The following RBFOX1 variants were observed in gnomAD, a reference collection of about 807,000 sequenced individuals.
RBFOX1 encodes the protein RNA binding protein fox-1 homolog 1.
Under a neutral mutation model 57.7 loss-of-function variants are expected in RBFOX1, and 8 were observed. The ratio of observed to expected loss-of-function variants is 0.14; its 90% CI spans 0.08 to 0.25. RBFOX1 has a LOEUF of 0.25. Among genes scored for constraint, RBFOX1 ranks in the 10% least tolerant of loss-of-function variants. The probability of loss-of-function intolerance (pLI) is 1.00; values close to 1 mark genes in which losing one functional copy is unlikely to be tolerated. For missense variants in RBFOX1, 611 were observed against 548.5 expected, an observed-to-expected ratio of 1.11 and a Z score of -1.14; for synonymous variants, 326 against 222.4, an observed-to-expected ratio of 1.47 and a Z score of -4.15.
intron 4 of RBFOX1, among the ~76,000 whole-genome samples, chr16:7,056,973 A>G (rs1371807475): frequency 6.6e-6 from 1 of 152,082 alleles, no homozygotes; most frequent in South Asian, 2.1e-4. Context: ...TACGTAAAAT[A>G]AGAATAGCTT....
intron 2 of RBFOX1, among the ~76,000 whole-genome samples, chr16:5,496,383 C>G (rs2043002644): frequency 6.6e-6 from 1 of 152,132 alleles, no homozygotes; most frequent in Non-Finnish European, 1.5e-5. Context: ...AAGCCTTTGC[C>G]TATTCTCTCC....
chr16:6,096,597 A>C lies in RBFOX1; in HGVS notation c.-127+76605A>C, dbSNP rs148803522. ...AGGAAATTCTGGATCTTTGGTTTGG[A>C]AGTTTTGGGATTCTGTGAACCAACA... On this transcript the variant is annotated intron_variant, in intron 1 of 15. Transcript: ENST00000550418. Among the ~76,000 whole-genome samples the C allele has an allele frequency of 7.9e-5, 12 of 152,152 alleles. No individual in the cohort carries two copies. In the East Asian group the frequency reaches 1.9e-3, roughly 24 times the overall value.
chr16:6,423,916 C>T (rs1035116022), intron 2 of RBFOX1, among the ~76,000 whole-genome samples: 1 of 152,090 alleles, frequency 6.6e-6, no homozygotes, highest in African/African-American at 2.4e-5. Context: ...AGGAAACAGT[C>T]TTGCATTTGG....
At chr16:6,609,469 G>C (rs1050200331) in intron 2 of RBFOX1, among the ~76,000 whole-genome samples, 8 of 151,918 alleles carry the variant, frequency 5.3e-5, no homozygotes, top group African/African-American at 9.7e-5. Flanking sequence ...TCAGCCTCCC[G>C]AGTAACTGGG....
At chr16:6,557,140 CATATATACACACAT>C (rs2097115192) in intron 2 of RBFOX1, among the ~76,000 whole-genome samples, 1 of 143,448 alleles carries the variant, frequency 7.0e-6, no homozygotes, top group Admixed American at 7.0e-5. Flanking sequence ...TACATATATA[CATATATACACACAT>C]ATATATACAC....
intron 4 of RBFOX1, among the ~76,000 whole-genome samples, chr16:7,463,147 C>G (rs377371019): frequency 6.6e-6 from 1 of 152,110 alleles, no homozygotes; most frequent in South Asian, 2.1e-4. Context: ...ATAGAAGATT[C>G]CCTCTTGCTA....
intron 3 of RBFOX1, among the ~76,000 whole-genome samples, chr16:5,815,799 G>T (rs991445220): frequency 3.1e-4 from 47 of 152,302 alleles, no homozygotes; most frequent in African/African-American, 1.0e-3. Flanking sequence ...AAACAGTGGA[G>T]CCCAGAGAAA....
chr16:5,660,070 G>T (rs964910232), intron 3 of RBFOX1, among the ~76,000 whole-genome samples: 1 of 152,084 alleles, frequency 6.6e-6, no homozygotes. Flanking sequence ...TAGACCAACG[G>T]GGTTCAAGGC....
intron 3 of RBFOX1, among the ~76,000 whole-genome samples, chr16:5,664,234 G>C (rs1003465396): frequency 2.0e-5 from 3 of 152,192 alleles, no homozygotes; most frequent in Non-Finnish European, 4.4e-5. Context: ...CTGTGCAACG[G>C]AGTCAGTTGT....
chr16:6,364,346 C>T (rs1218853331), intron 2 of RBFOX1, among the ~76,000 whole-genome samples: 1 of 152,114 alleles, frequency 6.6e-6, no homozygotes, highest in East Asian at 1.9e-4. Flanking sequence ...TCCCTCATTT[C>T]CTCTCCTCTT....
At chr16:6,755,026 G>A (rs144897094) in intron 3 of RBFOX1, among the ~76,000 whole-genome samples, 3,913 of 152,186 alleles carry the variant, frequency 0.026, 174 homozygotes, top group African/African-American at 0.089. Context: ...CCTACAAAGG[G>A]CATGAACTCA....
chr16:5,856,577 A>ATATATATATATATATGTATATATATC (rs2057072947), intron 3 of RBFOX1, among the ~76,000 whole-genome samples: 1 of 41,730 alleles, frequency 2.4e-5, no homozygotes, highest in African/African-American at 7.4e-5. Flanking sequence ...GTGTGTGTGT[A>ATATATATATATATATGTATATATATC]TATATATATA....
chr16:6,705,456 C>T (rs751700836), intron 3 of RBFOX1: 2 of 152,156 alleles, frequency 1.3e-5, no homozygotes, highest in Non-Finnish European at 2.9e-5. Context: ...ACACATAGAT[C>T]TTCTTGTTCC....
chr16:5,768,536 T>C (rs544774178), intron 3 of RBFOX1, among the ~76,000 whole-genome samples: 1 of 152,298 alleles, frequency 6.6e-6, no homozygotes, highest in South Asian at 2.1e-4. Flanking sequence ...TTTTCCAGTG[T>C]TTTCGGCCCA....
intron 2 of RBFOX1, among the ~76,000 whole-genome samples, chr16:6,329,517 A>G (rs1340385628): frequency 1.3e-5 from 2 of 152,202 alleles, no homozygotes; most frequent in Non-Finnish European, 2.9e-5. Context: ...GTGGGACTGT[A>G]AGTCTCATCA....
intron 2 of RBFOX1, among the ~76,000 whole-genome samples, chr16:5,493,837 C>T (rs564703058): frequency 4.6e-5 from 7 of 152,092 alleles, no homozygotes; most frequent in Admixed American, 4.6e-4. Context: ...TTTGTACCAG[C>T]GTTGGAGGGA....
intron 1 of RBFOX1, among the ~76,000 whole-genome samples, chr16:6,269,702 G>A (rs2074975037): frequency 6.6e-6 from 1 of 152,168 alleles, no homozygotes. Flanking sequence ...AAAAGAATTG[G>A]TTGGCAGCTG....
At chr16:7,091,656 G>A (rs2060878620) in intron 4 of RBFOX1, among the ~76,000 whole-genome samples, 1 of 152,142 alleles carries the variant, frequency 6.6e-6, no homozygotes, top group Admixed American at 6.6e-5. Flanking sequence ...TCAGCCTGCT[G>A]TAAGCAAACT....
chr16:6,964,406 C>A (rs1368141703), intron 3 of RBFOX1, among the ~76,000 whole-genome samples: 1 of 152,158 alleles, frequency 6.6e-6, no homozygotes, highest in Admixed American at 6.5e-5. Context: ...TCAACCCACA[C>A]AATATACAAC....
Sources: allele counts gnomAD v4.1 joint callset (sites outside exome capture counted in the v4.1 genomes callset), GRCh38; gene constraint gnomAD v4.1.1; transcripts MANE v1.5; gene names NCBI Gene and HGNC (gene_info 2026-07-23, HGNC 2026-07-21).